GLI3: variants seen among roughly 807,000 people sequenced by gnomAD.
The protein encoded by GLI3 is transcription activator GLI3.
GLI3 carries 20 observed loss-of-function variants against 100.8 expected under a neutral mutation model. That is an observed-to-expected ratio of 0.20 (90% CI 0.14 to 0.29). GLI3 has a LOEUF of 0.29. Ranked by LOEUF, GLI3 falls within the 10% of genes least tolerant of loss-of-function variation. The probability of loss-of-function intolerance (pLI) is 1.00; values close to 1 mark genes in which losing one functional copy is unlikely to be tolerated. For synonymous variants in GLI3, 938 were observed against 860.5 expected, an observed-to-expected ratio of 1.09 and a Z score of -1.58; for missense variants, 2,040 against 2,128.5, an observed-to-expected ratio of 0.96 and a Z score of 0.82.
chr7:41,965,980 G>T lies in GLI3; in HGVS notation c.3093C>A (p.Asn1031Lys). ...CCGCGGACGTGGCCATCGCCGGGGGGTTGCAGCTGCTGAGGCTGCTGAAGC... is the reference window on the plus strand; with the variant it reads ...CCGCGGACGTGGCCATCGCCGGGGGTTTGCAGCTGCTGAGGCTGCTGAAGC... ...VPRFSSLSSCNPPAMATSAEK... is the reference protein window; with the variant it reads ...VPRFSSLSSCKPPAMATSAEK... Residue 1031 changes from asparagine to lysine, a missense_variant, in exon 15 of 15, where the codon AAC becomes AAA. Asn to Lys is a moderately conservative substitution (Grantham distance 94, BLOSUM62 0). Transcript: ENST00000395925. The T allele has an allele frequency of 6.2e-7, 1 of 1,606,728 alleles. No individual in the cohort carries two copies. The highest frequency in any genetic ancestry group is 8.5e-7 in the Non-Finnish European group (1 of 1,179,442).
chr7:42,233,333 A>G (rs537019303), intron 1 of GLI3, among the ~76,000 whole-genome samples: 16 of 152,346 alleles, frequency 1.1e-4, no homozygotes, highest in African/African-American at 3.6e-4. Flanking sequence ...CCAGGAACAC[A>G]TAGCATATTT....
At position 42,132,304 on chromosome 7, in the gene GLI3, G is replaced by T. The variant is rs890891293; in HGVS notation, c.367+15922C>A. Among the ~76,000 whole-genome samples, 130 of 151,936 alleles carry T rather than the reference G, an allele frequency of 8.6e-4. No individual in the cohort carries two copies. The South Asian group carries it at 9.4e-3, about 11-fold the overall frequency. On this transcript the variant is annotated intron_variant, in intron 3 of 14. Coordinates refer to ENST00000395925, the MANE Select transcript of GLI3 (RefSeq NM_000168.6). ...TTTAGTAGAGATGGGGTTTCACCAT[G>T]TTAGCCAGGATGGTCTCGATCTCCT... is the stretch of plus-strand genomic sequence containing the variant.
At chr7:42,132,229 T>C (rs1394468851) in intron 3 of GLI3, among the ~76,000 whole-genome samples, 1 of 140,622 alleles carries the variant, frequency 7.1e-6, no homozygotes, top group Non-Finnish European at 1.5e-5. Flanking sequence ...GCCTCCCGAG[T>C]AGCTGGGACT....
rs1253749095 is a variant in GLI3, at chr7:41,961,538, T to C, written c.*2792A>G. 2.0e-5 allele frequency: 3 copies of C among 152,454 alleles called. No homozygotes were observed. Among genetic ancestry groups the C allele is most frequent in the Non-Finnish European group, 1.5e-5 (1 of 67,998 alleles). The allele number at this position is 152,454 out of a possible 1,614,324, so 9.4% of individuals were successfully genotyped here. A position where few individuals can be genotyped will look rare whatever the true frequency, so the allele number is the denominator to read the frequency against. On this transcript the variant is annotated 3_prime_UTR_variant, in exon 15 of 15. Coordinates refer to ENST00000395925, the MANE Select transcript of GLI3 (RefSeq NM_000168.6). The stretch of plus-strand genomic sequence containing the variant: ...TGTGAGGAGTTGGGAGGGGTTAACT[T>C]TTTCAGAAAAATAAAACAAAAATGG...
chr7:42,119,200 G>A (rs1785934362), intron 3 of GLI3, among the ~76,000 whole-genome samples: 1 of 152,220 alleles, frequency 6.6e-6, no homozygotes, highest in South Asian at 2.1e-4. Context: ...TCTTGTCAAT[G>A]AATGTGTCCT....
Position 41,972,113 on chromosome 7 carries a change from G to C in GLI3, c.2103+224C>G, listed in dbSNP as rs1281851297. Among the ~76,000 whole-genome samples, 4 of 152,198 alleles carry C rather than the reference G, an allele frequency of 2.6e-5. No homozygotes were observed. Among genetic ancestry groups the C allele is most frequent in the Non-Finnish European group, 5.9e-5 (4 of 68,030 alleles). ...TCTTTCTTCCTTCCATGGCACAGTGGTATGGTTCTGGGAGGGATTTTAAAA... is the reference window on the plus strand; with the variant it reads ...TCTTTCTTCCTTCCATGGCACAGTGCTATGGTTCTGGGAGGGATTTTAAAA... On this transcript the variant is annotated intron_variant, in intron 13 of 14. Transcript: ENST00000395925. The surrounding 1 kb of genome is among the most constrained non-coding windows in gnomAD (Gnocchi z 4.4).
At chr7:42,195,823 G>A (rs1787917564) in intron 2 of GLI3, among the ~76,000 whole-genome samples, 2 of 152,208 alleles carry the variant, frequency 1.3e-5, no homozygotes, top group South Asian at 4.1e-4. Flanking sequence ...ATGGACAGAT[G>A]AGTAAGTATT....
chr7:41,996,641 C>T (rs1338658747), intron 10 of GLI3, among the ~76,000 whole-genome samples: 1 of 152,136 alleles, frequency 6.6e-6, no homozygotes, highest in Non-Finnish European at 1.5e-5. Flanking sequence ...ATTATCTAAT[C>T]CTAAACGTAA....
chr7:41,979,289 G>A (rs1366432728), intron 10 of GLI3, among the ~76,000 whole-genome samples: 1 of 152,160 alleles, frequency 6.6e-6, no homozygotes, highest in Non-Finnish European at 1.5e-5. Context: ...TTTAGCTCAG[G>A]GTTAATCAGA....
chr7:41,982,697 C>CAA lies in GLI3; in HGVS notation c.1498-3951_1498-3950dup, dbSNP rs200821387. Among the ~76,000 whole-genome samples, 404 of 114,732 alleles carry CAA rather than the reference C, an allele frequency of 3.5e-3. 4 individuals carry two copies. The highest frequency in any genetic ancestry group is 0.011 in the African/African-American group (371 of 32,614). The allele number at this position is 114,732 out of a possible 152,430, so 75.3% of individuals were successfully genotyped here. A position where few individuals can be genotyped will look rare whatever the true frequency, so the allele number is the denominator to read the frequency against. Reference sequence around the variant, plus strand: ...AGCCTGGGAGAGCAAGAACTTGTCTCAAAAAAAAAAAAAAAAAAGAAAATA... The same window carrying CAA: ...AGCCTGGGAGAGCAAGAACTTGTCTCAAAAAAAAAAAAAAAAAAAAGAAAATA... On this transcript the variant is annotated intron_variant, in intron 10 of 14. Coordinates refer to ENST00000395925, the MANE Select transcript of GLI3 (RefSeq NM_000168.6).
At chr7:42,252,874 A>G (rs913266742) in intron 1 of GLI3, among the ~76,000 whole-genome samples, 3 of 152,188 alleles carry the variant, frequency 2.0e-5, no homozygotes, top group Admixed American at 6.5e-5. Context: ...GTCACCATCA[A>G]TGAGAAATTT....
At position 42,076,794 on chromosome 7, in the gene GLI3, C is replaced by T; in HGVS notation, c.431G>A (p.Gly144Asp). 6.2e-7 allele frequency: 1 copy of T among 1,612,532 alleles called. No individual in the cohort carries two copies. The highest frequency in any genetic ancestry group is 8.5e-7 in the Non-Finnish European group (1 of 1,178,560). Residue 144 changes from glycine (G) to aspartate (D), a missense_variant, in exon 4 of 15, where the codon GGC becomes GAC. Transcript: ENST00000395925. Reference protein sequence around the residue: ...PVPIDARHHEGRYHYDPSPIP... With the variant: ...PVPIDARHHEDRYHYDPSPIP... ...CGGAGATGGATCGTAATGGTAACGG[C>T]CCTCATGATGTCTGGCATCAATTGG...
At chr7:42,126,747 A>G (rs1786142546) in intron 3 of GLI3, among the ~76,000 whole-genome samples, 2 of 152,244 alleles carry the variant, frequency 1.3e-5, no homozygotes, top group African/African-American at 4.8e-5. Flanking sequence ...AAATTTTCAG[A>G]AAAGTATACA....
intron 2 of GLI3, among the ~76,000 whole-genome samples, chr7:42,180,436 C>A (rs192726124): frequency 6.6e-6 from 1 of 152,346 alleles, no homozygotes; most frequent in East Asian, 1.9e-4. Context: ...GGGAAGGTGG[C>A]AGCTGGTGAG....
At chr7:42,222,785 C>T (rs1006001042) in intron 2 of GLI3, 2 of 291,408 alleles carry the variant, frequency 6.9e-6, no homozygotes, top group East Asian at 8.3e-5. Flanking sequence ...CTAATTATTC[C>T]GAGTAGTGTA....
intron 1 of GLI3, among the ~76,000 whole-genome samples, chr7:42,247,340 G>A (rs552329644): frequency 3.3e-5 from 5 of 152,092 alleles, no homozygotes; most frequent in Non-Finnish European, 5.9e-5. Flanking sequence ...GCTGGTTGTG[G>A]CTTGTAACCC....
chr7:42,217,072 AG>A (rs1330809420), intron 2 of GLI3, among the ~76,000 whole-genome samples: 2 of 152,198 alleles, frequency 1.3e-5, no homozygotes, highest in Admixed American at 1.3e-4. Context: ...GCGTGACAAG[AG>A]TGGAGATGAA....
intron 2 of GLI3, among the ~76,000 whole-genome samples, chr7:42,175,032 C>T (rs1787450972): frequency 6.6e-6 from 1 of 152,088 alleles, no homozygotes; most frequent in Non-Finnish European, 1.5e-5. Flanking sequence ...CTGTAAATGC[C>T]GTCTGTTACC....
chr7:42,118,113 A>G (rs1215292198), intron 3 of GLI3: 1 of 384,046 alleles, frequency 2.6e-6, no homozygotes, highest in Non-Finnish European at 4.6e-6. Context: ...GAGGCTCAAA[A>G]TACCAACTTC....
Sources: allele counts gnomAD v4.1 joint callset (sites outside exome capture counted in the v4.1 genomes callset), GRCh38; gene constraint gnomAD v4.1.1; non-coding constraint Gnocchi (gnomAD v3.1); transcripts MANE v1.5; gene names NCBI Gene and HGNC (gene_info 2026-07-23, HGNC 2026-07-21).